ATP9A: variants seen among roughly 807,000 people sequenced by gnomAD.
ATP9A encodes the protein probable phospholipid-transporting ATPase IIA.
In ATP9A, 52 loss-of-function variants were observed where a neutral mutation model predicts 144.1. That is an observed-to-expected ratio of 0.36 (90% CI 0.29 to 0.45). The LOEUF (loss-of-function observed/expected upper bound fraction) is 0.45. ATP9A is among the 20% of genes least tolerant of loss of function. ATP9A has a pLI of 1.00. For missense variants in ATP9A, 947 were observed against 1,392.7 expected, an observed-to-expected ratio of 0.68 and a Z score of 5.09; for synonymous variants, 582 against 557.4, an observed-to-expected ratio of 1.04 and a Z score of -0.62.
chr20:51,710,178 C>T (rs1832800370), intron 4 of ATP9A, among the ~76,000 whole-genome samples: 1 of 152,108 alleles, frequency 6.6e-6, no homozygotes, highest in Non-Finnish European at 1.5e-5. Flanking sequence ...TGGCATGTGC[C>T]TGTAATCCCA....
At position 51,618,914 on chromosome 20, in the gene ATP9A, G is replaced by A. The variant is rs767350472; in HGVS notation, c.2205+40C>T. ...CCTGCCGAAGCCGGGTAAGACCCAG[G>A]CTGCTGGGAGGACTGGCTCTCAGGG... On this transcript the variant is annotated intron_variant, in intron 20 of 27. Transcript: ENST00000338821. 1.4e-5 allele frequency: 22 copies of A among 1,609,460 alleles called. No individual in the cohort carries two copies. The East Asian group carries it at 4.5e-4, about 33-fold the overall frequency.
intron 1 of ATP9A, among the ~76,000 whole-genome samples, chr20:51,739,891 T>C (rs916792536): frequency 6.6e-6 from 1 of 152,176 alleles, no homozygotes; most frequent in African/African-American, 2.4e-5. Flanking sequence ...ATTGAGGGAC[T>C]AGTCGGCCTG....
At chr20:51,737,862 G>A (rs1180474480) in intron 1 of ATP9A, among the ~76,000 whole-genome samples, 2 of 151,968 alleles carry the variant, frequency 1.3e-5, no homozygotes, top group Non-Finnish European at 2.9e-5. Context: ...ATAAGTAAGC[G>A]AAAGAGCCAG....
intron 15 of ATP9A, among the ~76,000 whole-genome samples, chr20:51,638,121 A>ATAATCTATCTATC (rs2077302871): frequency 9.7e-6 from 1 of 103,004 alleles, no homozygotes; most frequent in African/African-American, 4.1e-5. Context: ...ATATATATAT[A>ATAATCTATCTATC]TATCTCATAG....
Position 51,689,136 on chromosome 20 carries a change from C to T in ATP9A, c.727G>A (p.Asp243Asn), listed in dbSNP as rs781596274. The T allele has an allele frequency of 3.1e-6, 5 of 1,613,898 alleles. No individual in the cohort carries two copies. The highest frequency in any genetic ancestry group is 3.4e-6 in the Non-Finnish European group (4 of 1,180,006). ...CTCTCGCTGATCGGGGGGTCGCTGT[C>T]TTCCTGGAAAAGACCAAACGGACAC... ...HNFVGTFTRE[D>N]SDPPISESLS... The change falls in exon 9 of 28, where the codon GAC becomes AAC. Residue 243 changes from aspartate to asparagine, a missense_variant. By Grantham distance (23) the Asp-to-Asn change is conservative. This residue lies in a region of ATP9A where 770 missense variants were observed against 1,047.9 expected (regional missense o/e 0.73). Coordinates refer to ENST00000338821, the MANE Select transcript of ATP9A (RefSeq NM_006045.3).
chr20:51,661,503 C>T (rs1456807501), intron 13 of ATP9A, among the ~76,000 whole-genome samples: 2 of 147,430 alleles, frequency 1.4e-5, no homozygotes, highest in Non-Finnish European at 1.5e-5. Context: ...ACCGGGACCA[C>T]AGGCGTGCAC....
chr20:51,681,177 AT>A (rs1568817989), intron 9 of ATP9A, among the ~76,000 whole-genome samples: 1 of 152,212 alleles, frequency 6.6e-6, no homozygotes, highest in Admixed American at 6.5e-5. Flanking sequence ...AAATGTCCTC[AT>A]GTAATGTTAT....
intron 19 of ATP9A, among the ~76,000 whole-genome samples, chr20:51,621,038 T>C (rs1444860145): frequency 6.6e-6 from 1 of 151,490 alleles, no homozygotes; most frequent in Admixed American, 6.6e-5. Flanking sequence ...TCCCAGCTAC[T>C]TGGGAGGCTG....
At chr20:51,642,138 GT>G (rs1179774596) in intron 14 of ATP9A, among the ~76,000 whole-genome samples, 4 of 150,830 alleles carry the variant, frequency 2.7e-5, no homozygotes, top group African/African-American at 7.3e-5. Context: ...CTGTGCATCT[GT>G]TTTTTTTTGT....
At chr20:51,737,935 T>A (rs1231753295) in intron 1 of ATP9A, among the ~76,000 whole-genome samples, 9 of 152,034 alleles carry the variant, frequency 5.9e-5, no homozygotes, top group Admixed American at 3.3e-4. Context: ...GTATCTATAA[T>A]CCCAGATTCT....
chr20:51,613,830 T>C lies in ATP9A; in HGVS notation c.2418A>G (p.Glu806=). Reference sequence around the variant, plus strand: ...CTGCAGCCAACGAAGCCTGTTTTCCTTCCTAAAATCCAATAAAATTAGGCA... The same window carrying C: ...CTGCAGCCAACGAAGCCTGTTTTCCCTCCTAAAATCCAATAAAATTAGGCA... The part of the protein sequence containing the change: ...SDCGVGVEGK[E]GKQASLAADF... The change falls in exon 23 of 28, where the codon GAA becomes GAG. Residue 806 remains glutamate (E), a splice_region_variant and synonymous_variant. Transcript: ENST00000338821. 6.2e-7 allele frequency: 1 copy of C among 1,610,498 alleles called. No individual in the cohort carries two copies. The highest frequency in any genetic ancestry group is 8.5e-7 in the Non-Finnish European group (1 of 1,178,746).
chr20:51,602,187 C>T (rs2077146048), intron 27 of ATP9A, among the ~76,000 whole-genome samples: 1 of 152,106 alleles, frequency 6.6e-6, no homozygotes, highest in Admixed American at 6.5e-5. Context: ...GGGCGTACTG[C>T]CTTTCCTGCT....
At chr20:51,653,771 A>G (rs1555833275) in intron 14 of ATP9A, among the ~76,000 whole-genome samples, 1 of 151,882 alleles carries the variant, frequency 6.6e-6, no homozygotes, top group Non-Finnish European at 1.5e-5. Context: ...TGGGCGACAG[A>G]GCAAAAAAAA....
chr20:51,742,446 C>A (rs2077789096), intron 1 of ATP9A, among the ~76,000 whole-genome samples: 1 of 152,148 alleles, frequency 6.6e-6, no homozygotes, highest in South Asian at 2.1e-4. Flanking sequence ...TTACTCCACT[C>A]CAGCTGGCTG....
At chr20:51,621,527 G>A (rs1366661494) in intron 19 of ATP9A, among the ~76,000 whole-genome samples, 3 of 152,164 alleles carry the variant, frequency 2.0e-5, no homozygotes, top group Non-Finnish European at 4.4e-5. Flanking sequence ...ACTGGCAGCA[G>A]TTCCTGATGT....
chr20:51,629,594 C>T (rs2077262698), intron 15 of ATP9A, among the ~76,000 whole-genome samples: 1 of 152,178 alleles, frequency 6.6e-6, no homozygotes, highest in Non-Finnish European at 1.5e-5. Context: ...ATGGTGACAA[C>T]CAGAATGTCT....
intron 10 of ATP9A, among the ~76,000 whole-genome samples, chr20:51,675,833 T>C (rs905101090): frequency 1.1e-4 from 15 of 141,622 alleles, no homozygotes; most frequent in African/African-American, 4.0e-4. Flanking sequence ...TGAGCCAAAA[T>C]CAAGCCACTG....
At position 51,597,510 on chromosome 20, in the gene ATP9A, G is replaced by A. The variant is rs2077124167; in HGVS notation, c.*3701C>T. On this transcript the variant is annotated 3_prime_UTR_variant, in exon 28 of 28. Coordinates refer to ENST00000338821, the MANE Select transcript of ATP9A (RefSeq NM_006045.3). ...AATAATTCTTCAAAAAACTTTAGAT[G>A]ACATCATTCTCTCGCTCTTTCACAC... 6.6e-6 allele frequency: 1 copy of A among 152,000 alleles called. No homozygotes were observed. The highest frequency in any genetic ancestry group is 2.4e-5 in the African/African-American group (1 of 41,360). 9.4% of individuals were successfully genotyped at this position (152,000 alleles called of 1,614,324 possible). A position where few individuals can be genotyped will look rare whatever the true frequency, so the allele number is the denominator to read the frequency against.
At chr20:51,631,975 T>C (rs1774398311) in intron 15 of ATP9A, among the ~76,000 whole-genome samples, 1 of 152,204 alleles carries the variant, frequency 6.6e-6, no homozygotes, top group Non-Finnish European at 1.5e-5. Flanking sequence ...CACTCACACA[T>C]GTTTAAAAAA....
Sources: gnomAD v4.1 joint callset for allele counts (sites outside exome capture counted in the v4.1 genomes callset) on GRCh38, gnomAD v4.1.1 for gene constraint, gnomAD v4.1.1 regional missense constraint, MANE v1.5 for transcripts, NCBI Gene and HGNC (gene_info 2026-07-23, HGNC 2026-07-21) for gene names.